The following JCAD variants were observed in gnomAD, a reference collection of about 807,000 sequenced individuals.
JCAD encodes junctional cadherin 5 associated, also known as junctional cadherin 5-associated protein.
In JCAD, 40 loss-of-function variants were observed where a neutral mutation model predicts 98.0. The ratio of observed to expected loss-of-function variants is 0.41; its 90% CI spans 0.32 to 0.53. JCAD has a LOEUF of 0.53. JCAD is among the 20% of genes least tolerant of loss of function. The pLI is 0.31. For synonymous variants in JCAD, 691 were observed against 682.3 expected, an observed-to-expected ratio of 1.01 and a Z score of -0.20; for missense variants, 1,705 against 1,738.1, an observed-to-expected ratio of 0.98 and a Z score of 0.34.
At chr10:30,030,554 A>G (rs907906718) in intron 2 of JCAD, among the ~76,000 whole-genome samples, 1 of 152,192 alleles carries the variant, frequency 6.6e-6, no homozygotes, top group Admixed American at 6.5e-5. Context: ...CTCCTGTGCA[A>G]TCTCTGGGAG....
intron 2 of JCAD, among the ~76,000 whole-genome samples, chr10:30,039,931 C>T (rs891245125): frequency 9.9e-5 from 15 of 152,218 alleles, no homozygotes; most frequent in African/African-American, 3.6e-4. Flanking sequence ...TGAGATGATA[C>T]ATTCAGAGTG....
chr10:30,112,527 A>C (rs1413148673), intron 1 of JCAD, among the ~76,000 whole-genome samples: 1 of 152,108 alleles, frequency 6.6e-6, no homozygotes, highest in Non-Finnish European at 1.5e-5. Context: ...TTACAATGCT[A>C]AGTGAAATAA....
At chr10:30,107,553 T>G (rs531725919) in intron 1 of JCAD, among the ~76,000 whole-genome samples, 1 of 152,308 alleles carries the variant, frequency 6.6e-6, no homozygotes, top group South Asian at 2.1e-4. Context: ...GTTTAGCAAA[T>G]AATCAAGAGG....
chr10:30,029,287 A>T lies in JCAD; in HGVS notation c.861T>A (p.Pro287=). The part of the protein sequence containing the change: ...KSGCSAPFPR[P]KFGRPLKPPS... The stretch of plus-strand genomic sequence containing the variant: ...GGGGCTTGAGGGGCCTCCCAAACTT[A>T]GGCCGGGGAAATGGGGCTGAGCAGC... Residue 287 remains proline, a synonymous_variant, in exon 3 of 4, where the codon CCT becomes CCA. Transcript: ENST00000375377. The T allele has an allele frequency of 1.2e-6, 2 of 1,614,112 alleles. No homozygotes were observed. Among genetic ancestry groups the T allele is most frequent in the Non-Finnish European group, 1.7e-6 (2 of 1,180,010 alleles).
At chr10:30,045,541 C>T (rs1388023770) in intron 2 of JCAD, among the ~76,000 whole-genome samples, 1 of 152,148 alleles carries the variant, frequency 6.6e-6, no homozygotes, top group Non-Finnish European at 1.5e-5. Context: ...CAAATATACT[C>T]AGCAGAAAAC....
intron 2 of JCAD, among the ~76,000 whole-genome samples, chr10:30,066,715 C>A (rs2132666262): frequency 6.6e-6 from 1 of 151,658 alleles, no homozygotes; most frequent in South Asian, 2.1e-4. Context: ...CATTTTTTAA[C>A]CCCATATGAC....
chr10:30,042,395 A>C (rs1008331514), intron 2 of JCAD, among the ~76,000 whole-genome samples: 1 of 147,330 alleles, frequency 6.8e-6, no homozygotes, highest in African/African-American at 2.7e-5. Context: ...ACCCTAACCC[A>C]GTACTCAAGC....
At chr10:30,110,155 T>TGCG (rs1838663889) in intron 1 of JCAD, among the ~76,000 whole-genome samples, 1 of 148,536 alleles carries the variant, frequency 6.7e-6, no homozygotes, top group Admixed American at 6.7e-5. Context: ...CCAGCTGATG[T>TGCG]GTGCAGCTGA....
chr10:30,016,590 C>A lies in JCAD; in HGVS notation c.*1293G>T. ...ATGGCATATATATAATGTCCCCAAGCACTTTCTAAAAATATGCAGAGACTA... is the reference window on the plus strand; with the variant it reads ...ATGGCATATATATAATGTCCCCAAGAACTTTCTAAAAATATGCAGAGACTA... On this transcript the variant is annotated 3_prime_UTR_variant, in exon 4 of 4. Coordinates refer to ENST00000375377, the MANE Select transcript of JCAD (RefSeq NM_020848.4). 1 of 151,680 alleles carries A rather than the reference C, an allele frequency of 6.6e-6. No individual in the cohort carries two copies. Among genetic ancestry groups the A allele is most frequent in the Non-Finnish European group, 1.5e-5 (1 of 67,936 alleles). The allele number at this position is 151,680 out of a possible 1,614,324, so 9.4% of individuals were successfully genotyped here. A position where few individuals can be genotyped will look rare whatever the true frequency, so the allele number is the denominator to read the frequency against.
chr10:30,056,831 G>T (rs748076183), intron 1 of JCAD, among the ~76,000 whole-genome samples: 2 of 152,174 alleles, frequency 1.3e-5, no homozygotes, highest in Non-Finnish European at 2.9e-5. Context: ...TGGGGGAGGG[G>T]TTCCTGTATT....
intron 1 of JCAD, among the ~76,000 whole-genome samples, chr10:30,105,620 A>G (rs769530441): frequency 6.6e-6 from 1 of 151,808 alleles, no homozygotes; most frequent in African/African-American, 2.4e-5. Context: ...CACAAACCCA[A>G]CCCTTTCTGC....
intron 2 of JCAD, among the ~76,000 whole-genome samples, chr10:30,040,346 T>C (rs762653704): frequency 3.3e-5 from 5 of 152,242 alleles, no homozygotes; most frequent in Non-Finnish European, 7.3e-5. Flanking sequence ...TTCTCTCTCA[T>C]GCGTATCTAA....
intron 1 of JCAD, among the ~76,000 whole-genome samples, chr10:30,074,642 G>C (rs957800036): frequency 1.3e-5 from 2 of 152,202 alleles, no homozygotes; most frequent in African/African-American, 4.8e-5. Flanking sequence ...AAAAGGGTCT[G>C]GAAGACGTGG....
At chr10:30,031,841 G>A (rs1243148136) in intron 2 of JCAD, among the ~76,000 whole-genome samples, 2 of 134,456 alleles carry the variant, frequency 1.5e-5, no homozygotes, top group South Asian at 2.5e-4. Context: ...TGCAAGCTCC[G>A]CCTCCCGTGT....
chr10:30,090,561 AGGAGAG>A (rs1838242866), intron 1 of JCAD, among the ~76,000 whole-genome samples: 1 of 107,552 alleles, frequency 9.3e-6, no homozygotes. Flanking sequence ...AGGAAAGGAG[AGGAGAG>A]GGGAGGGGAG....
intron 1 of JCAD, among the ~76,000 whole-genome samples, chr10:30,071,605 G>A (rs1261627051): frequency 1.3e-5 from 2 of 152,014 alleles, no homozygotes; most frequent in Non-Finnish European, 2.9e-5. Flanking sequence ...AGGAGTTCAC[G>A]ACCAGCCTGG....
At chr10:30,040,968 T>G (rs1173547519) in intron 2 of JCAD, among the ~76,000 whole-genome samples, 1 of 152,068 alleles carries the variant, frequency 6.6e-6, no homozygotes, top group Non-Finnish European at 1.5e-5. Context: ...ACTCTCCTCT[T>G]GGGGATGGCA....
intron 2 of JCAD, among the ~76,000 whole-genome samples, chr10:30,035,472 T>A (rs891130610): frequency 6.6e-6 from 1 of 152,268 alleles, no homozygotes; most frequent in African/African-American, 2.4e-5. Flanking sequence ...TAGCAAGGGC[T>A]GGGCTCTGAC....
chr10:30,063,856 G>A (rs12412183), upstream of JCAD, among the ~76,000 whole-genome samples: 10,976 of 151,838 alleles, frequency 0.072, 595 homozygotes, highest in East Asian at 0.23. Flanking sequence ...TGCCCAGCCT[G>A]GAGTGCAGTG....
Sources: allele counts gnomAD v4.1 joint callset (sites outside exome capture counted in the v4.1 genomes callset), GRCh38; gene constraint gnomAD v4.1.1; transcripts MANE v1.5; gene names NCBI Gene and HGNC (gene_info 2026-07-23, HGNC 2026-07-21).